Variants in TMEM135 observed in about 807,000 individuals in gnomAD.
The protein encoded by TMEM135 is peroxisomal membrane protein 52.
A neutral mutation model predicts 60.3 loss-of-function variants in TMEM135; 30 were observed. The ratio of observed to expected loss-of-function variants is 0.50; its 90% CI spans 0.37 to 0.68. The LOEUF (loss-of-function observed/expected upper bound fraction) is 0.68. TMEM135 is among the 30% of genes least tolerant of loss of function. The probability of loss-of-function intolerance (pLI) is 0.00; values close to 1 mark genes in which losing one functional copy is unlikely to be tolerated. For missense variants in TMEM135, 468 were observed against 548.8 expected (o/e 0.85, Z 1.47); for synonymous variants, 190 against 186.7 (o/e 1.02, Z -0.14).
At chr11:87,227,387 A>G (rs1193629229) in intron 5 of TMEM135, among the ~76,000 whole-genome samples, 1 of 152,100 alleles carries the variant, frequency 6.6e-6, no homozygotes, top group Non-Finnish European at 1.5e-5. Flanking sequence ...GATTTCATCA[A>G]GTTTACAGTC....
chr11:87,260,303 A>G (rs1405217649), intron 6 of TMEM135, among the ~76,000 whole-genome samples: 1 of 152,168 alleles, frequency 6.6e-6, no homozygotes, highest in Non-Finnish European at 1.5e-5. Context: ...TCCAAATTCT[A>G]ATATTGTGGA....
intron 6 of TMEM135, among the ~76,000 whole-genome samples, chr11:87,249,462 A>G (rs1027178630): frequency 2.0e-5 from 3 of 151,888 alleles, no homozygotes; most frequent in African/African-American, 4.8e-5. Flanking sequence ...TGTGTATTTC[A>G]TTTATTTCTA....
chr11:87,071,608 A>G lies in TMEM135; in HGVS notation c.355A>G (p.Lys119Glu). 1.2e-6 allele frequency: 2 copies of G among 1,613,542 alleles called. No individual in the cohort carries two copies. Among genetic ancestry groups the G allele is most frequent in the Non-Finnish European group, 1.7e-6 (2 of 1,179,730 alleles). Residue 119 changes from lysine (K) to glutamate (E), a missense_variant, in exon 3 of 15, where the codon AAA becomes GAA. Coordinates refer to ENST00000305494, the MANE Select transcript of TMEM135 (RefSeq NM_022918.4). ...ASYVAILIER[K>E]SRRGLLTIYM... is the part of the protein sequence containing the mutation. ...TTATGTGGCCATTCTCATTGAAAGA[A>G]AAAGCAGGTAAAATTTCATATATTT...
At chr11:87,283,282 G>A (rs1188626611) in intron 6 of TMEM135, among the ~76,000 whole-genome samples, 4 of 150,914 alleles carry the variant, frequency 2.7e-5, no homozygotes, top group Non-Finnish European at 5.9e-5. Context: ...GCAGTGAGCC[G>A]AGACCGTGCC....
intron 5 of TMEM135, among the ~76,000 whole-genome samples, chr11:87,223,995 C>A (rs1394876175): frequency 6.6e-6 from 1 of 152,116 alleles, no homozygotes; most frequent in Non-Finnish European, 1.5e-5. Flanking sequence ...TGAGCAATAC[C>A]ATGCCTAATT....
intron 5 of TMEM135, among the ~76,000 whole-genome samples, chr11:87,172,858 A>C (rs1774788758): frequency 6.6e-6 from 1 of 151,876 alleles, no homozygotes. Context: ...AATATTCGTG[A>C]ATTAAATAAT....
At chr11:87,123,066 A>G (rs1033501459) in intron 4 of TMEM135, among the ~76,000 whole-genome samples, 2 of 152,224 alleles carry the variant, frequency 1.3e-5, no homozygotes, top group Admixed American at 6.5e-5. Context: ...ATAAAACTTT[A>G]TTTATGGATG....
chr11:87,288,504 A>G (rs1270672379), intron 6 of TMEM135, among the ~76,000 whole-genome samples: 1 of 152,212 alleles, frequency 6.6e-6, no homozygotes, highest in Admixed American at 6.5e-5. Flanking sequence ...TCTTGGGGCT[A>G]GTGAGATCAT....
intron 6 of TMEM135, chr11:87,258,949 T>A: frequency 6.7e-7 from 1 of 1,491,428 alleles, no homozygotes. Flanking sequence ...TTGCTGCTGT[T>A]GCTCGGTTTG....
chr11:87,236,541 T>G (rs779000946), intron 5 of TMEM135, 97 bp from the exon 6 acceptor site: 14 of 1,006,262 alleles, frequency 1.4e-5, no homozygotes, highest in Non-Finnish European at 2.2e-5. Context: ...CTTTTATTGT[T>G]TCAGGCACAA....
intron 6 of TMEM135, among the ~76,000 whole-genome samples, chr11:87,268,255 A>ATATTTACT (rs1554982608): frequency 6.6e-5 from 9 of 136,874 alleles, no homozygotes; most frequent in African/African-American, 2.4e-4. Flanking sequence ...CCACACCTAG[A>ATATTTACT]TATTTATTTA....
At chr11:87,075,330 A>G (rs1449671338) in intron 3 of TMEM135, among the ~76,000 whole-genome samples, 1 of 148,894 alleles carries the variant, frequency 6.7e-6, no homozygotes, top group Non-Finnish European at 1.5e-5. Context: ...TTTTTTTTGT[A>G]TTTTTAGTAG....
At chr11:87,105,439 C>T (rs540358846) in intron 4 of TMEM135, among the ~76,000 whole-genome samples, 16 of 152,262 alleles carry the variant, frequency 1.1e-4, no homozygotes, top group South Asian at 4.2e-4. Flanking sequence ...CCAACTCCCA[C>T]GGACCCACCC....
intron 14 of TMEM135, among the ~76,000 whole-genome samples, chr11:87,320,674 G>A (rs1219847383): frequency 2.0e-5 from 3 of 152,136 alleles, no homozygotes; most frequent in African/African-American, 7.2e-5. Context: ...TTACTGTGTT[G>A]TGTCTATTAA....
intron 10 of TMEM135, among the ~76,000 whole-genome samples, chr11:87,313,156 A>G (rs1942669985): frequency 6.6e-6 from 1 of 151,896 alleles, no homozygotes; most frequent in Non-Finnish European, 1.5e-5. Context: ...TTCGATAGCT[A>G]GGCAAAAGTG....
intron 5 of TMEM135, among the ~76,000 whole-genome samples, chr11:87,184,844 G>A (rs1308950632): frequency 6.6e-6 from 1 of 152,056 alleles, no homozygotes; most frequent in African/African-American, 2.4e-5. Context: ...ACACACGTTG[G>A]TTTACCTTTG....
chr11:87,108,116 T>A lies in TMEM135; in HGVS notation c.396+16721T>A, dbSNP rs186630899. 2.4e-3 allele frequency among the ~76,000 whole-genome samples: 360 copies of A among 152,308 alleles called. 2 individuals are homozygous for A. The East Asian group carries it at 0.028, about 12-fold the overall frequency. Reference sequence around the variant, plus strand: ...CCACTTGTTGATGGGGTTGTTTGATTTTTTCTTGTAAATTTGTTTAAGTTC... The same window carrying A: ...CCACTTGTTGATGGGGTTGTTTGATATTTTCTTGTAAATTTGTTTAAGTTC... On this transcript the variant is annotated intron_variant, in intron 4 of 14. Transcript: ENST00000305494.
At chr11:87,062,711 C>T (rs12286127) in intron 1 of TMEM135, among the ~76,000 whole-genome samples, 1 of 151,766 alleles carries the variant, frequency 6.6e-6, no homozygotes, top group Non-Finnish European at 1.5e-5. Context: ...GATCCATCTG[C>T]CTCGGCCTCC....
chr11:87,322,138 C>G lies in TMEM135; in HGVS notation c.*805C>G, dbSNP rs779826838. 6 of 453,202 alleles carry G rather than the reference C, an allele frequency of 1.3e-5. No homozygotes were observed. Among genetic ancestry groups the G allele is most frequent in the Non-Finnish European group, 2.2e-5 (5 of 226,144 alleles). 28.1% of individuals were successfully genotyped at this position (453,202 alleles called of 1,614,324 possible). A position where few individuals can be genotyped will look rare whatever the true frequency, so the allele number is the denominator to read the frequency against. On this transcript the variant is annotated 3_prime_UTR_variant, in exon 15 of 15. Coordinates refer to ENST00000305494, the MANE Select transcript of TMEM135 (RefSeq NM_022918.4). The stretch of plus-strand genomic sequence containing the variant: ...AATATTTAAAAACAAAACTTTTAAA[C>G]TTCCTATAGGTTTATGATGTTTGTT...
Sources: allele counts gnomAD v4.1 joint callset (sites outside exome capture counted in the v4.1 genomes callset), GRCh38; gene constraint gnomAD v4.1.1; transcripts MANE v1.5; gene names NCBI Gene and HGNC (gene_info 2026-07-23, HGNC 2026-07-21).